The following CD274 variants were observed in gnomAD, a reference collection of about 807,000 sequenced individuals.
CD274 encodes the protein programmed cell death 1 ligand 1.
In CD274, 8 loss-of-function variants were observed where a neutral mutation model predicts 30.1. The ratio of observed to expected loss-of-function variants is 0.27; its 90% CI spans 0.16 to 0.48. The LOEUF (loss-of-function observed/expected upper bound fraction) is 0.48. CD274 is among the 20% of genes least tolerant of loss of function. The pLI is 0.99. For missense variants in CD274, 353 were observed against 346.6 expected (o/e 1.02, Z -0.15); for synonymous variants, 152 against 124.6 (o/e 1.22, Z -1.46).
chr9:5,460,585 T>A (rs1299399923), intron 3 of CD274, among the ~76,000 whole-genome samples: 12 of 152,168 alleles, frequency 7.9e-5, no homozygotes, highest in Non-Finnish European at 1.3e-4. Context: ...TTTGCCCAAA[T>A]TCACCCAGCC....
intron 3 of CD274, among the ~76,000 whole-genome samples, chr9:5,459,558 G>A (rs1819367394): frequency 6.6e-6 from 1 of 152,126 alleles, no homozygotes; most frequent in Non-Finnish European, 1.5e-5. Flanking sequence ...CCCCACAGGA[G>A]TTTACTCACC....
At position 5,468,262 on chromosome 9, in the gene CD274, C is replaced by A; in HGVS notation, c.*400C>A. 1 of 281,286 alleles carries A rather than the reference C, an allele frequency of 3.6e-6. No individual in the cohort carries two copies. The allele number at this position is 281,286 out of a possible 1,614,324, so 17.4% of individuals were successfully genotyped here. A position where few individuals can be genotyped will look rare whatever the true frequency, so the allele number is the denominator to read the frequency against. ...TCCACTCAATGCCTCAATTTGTTTT[C>A]TGCATGACTGAGAGTCTCAGTGTTG... On this transcript the variant is annotated 3_prime_UTR_variant, in exon 7 of 7. Transcript: ENST00000381577.
At chr9:5,465,723 T>A in intron 5 of CD274, 117 bp downstream of exon 5, 1 of 630,542 alleles carries the variant, frequency 1.6e-6, no homozygotes. Flanking sequence ...GGCATTCCAC[T>A]GTTCAACAGC....
chr9:5,467,601 T>C (rs1261335318), intron 6 of CD274, among the ~76,000 whole-genome samples: 1 of 152,182 alleles, frequency 6.6e-6, no homozygotes, highest in Non-Finnish European at 1.5e-5. Flanking sequence ...TAAAGCTAAG[T>C]AGCAAATGTT....
At chr9:5,464,941 G>C (rs965264166) in intron 4 of CD274, among the ~76,000 whole-genome samples, 1 of 152,108 alleles carries the variant, frequency 6.6e-6, no homozygotes, top group African/African-American at 2.4e-5. Context: ...ATAAAAATTA[G>C]CTGGGTGTGG....
chr9:5,463,303 A>G (rs1819440450), intron 4 of CD274, 182 bp downstream of exon 4: 1 of 602,962 alleles, frequency 1.7e-6, no homozygotes, highest in Admixed American at 2.9e-5. Flanking sequence ...GTTACTTAAT[A>G]AACATTCAGC....
rs942677374 is a variant in CD274 at position 5,468,282 on chromosome 9, G to T, written c.*420G>T. The T allele has an allele frequency of 1.2e-4, 31 of 268,582 alleles. No homozygotes were observed. Among genetic ancestry groups the T allele is most frequent in the African/African-American group, 6.0e-4 (28 of 46,370 alleles). The allele number at this position is 268,582 out of a possible 1,614,324, so 16.6% of individuals were successfully genotyped here. ...GTTTTCTGCATGACTGAGAGTCTCA[G>T]TGTTGGAACGGGACAGTATTTATGT... On this transcript the variant is annotated 3_prime_UTR_variant, in exon 7 of 7. Coordinates refer to ENST00000381577, the MANE Select transcript of CD274 (RefSeq NM_014143.4).
rs569565212 is a variant in CD274 at position 5,469,947 on chromosome 9, C to A, written c.*2085C>A. On this transcript the variant is annotated 3_prime_UTR_variant, in exon 7 of 7. Coordinates refer to ENST00000381577, the MANE Select transcript of CD274 (RefSeq NM_014143.4). ...AAATCACATTTTCTTTCTGGAAATT[C>A]CGGCAGTGTACCTTGACTGCTAGCT... The A allele has an allele frequency of 4.3e-6, 1 of 233,140 alleles. No homozygotes were observed. Among genetic ancestry groups the A allele is most frequent in the South Asian group, 1.8e-4 (1 of 5,528 alleles). The allele number at this position is 233,140 out of a possible 1,614,324, so 14.4% of individuals were successfully genotyped here. A position where few individuals can be genotyped will look rare whatever the true frequency, so the allele number is the denominator to read the frequency against.
At position 5,465,478 on chromosome 9, in the gene CD274, T is replaced by C. The variant is rs976620888; in HGVS notation, c.683-21T>C. 10 of 1,427,726 alleles carry C rather than the reference T, an allele frequency of 7.0e-6. No individual in the cohort carries two copies. The African/African-American group carries it at 8.4e-5, about 12-fold the overall frequency. The allele number at this position is 1,427,726 out of a possible 1,614,324, so 88.4% of individuals were successfully genotyped here. ...AATTTTATCTTTAGTCAGTTTGTTTTCGTTTTGTTTTGTTTTTCAGAACTA... is the reference window on the plus strand; with the variant it reads ...AATTTTATCTTTAGTCAGTTTGTTTCCGTTTTGTTTTGTTTTTCAGAACTA... On this transcript the variant is annotated intron_variant, in intron 4 of 6. Coordinates refer to ENST00000381577, the MANE Select transcript of CD274 (RefSeq NM_014143.4).
Position 5,467,996 on chromosome 9 carries a change from C to A in CD274, c.*134C>A. 2 of 757,688 alleles carry A rather than the reference C, an allele frequency of 2.6e-6. No individual in the cohort carries two copies. The highest frequency in any genetic ancestry group is 4.6e-6 in the Non-Finnish European group (2 of 432,056). The allele number at this position is 757,688 out of a possible 1,614,324, so 46.9% of individuals were successfully genotyped here. A position where few individuals can be genotyped will look rare whatever the true frequency, so the allele number is the denominator to read the frequency against. On this transcript the variant is annotated 3_prime_UTR_variant, in exon 7 of 7. Transcript: ENST00000381577. Reference sequence around the variant, plus strand: ...CAATGTGGGACTTAAAAGGCCCAAGCACTGAAAATGGAACCTGGCGAAAGC... The same window carrying A: ...CAATGTGGGACTTAAAAGGCCCAAGAACTGAAAATGGAACCTGGCGAAAGC...
intron 1 of CD274, among the ~76,000 whole-genome samples, chr9:5,454,742 T>G (rs1819270341): frequency 1.3e-5 from 2 of 152,128 alleles, no homozygotes; most frequent in South Asian, 2.1e-4. Context: ...AGTATCAAAG[T>G]GCCCCCTAAA....
intron 5 of CD274, among the ~76,000 whole-genome samples, chr9:5,466,135 G>C (rs1158539813): frequency 6.6e-6 from 1 of 152,176 alleles, no homozygotes; most frequent in Non-Finnish European, 1.5e-5. Context: ...TTTAAGATGA[G>C]TCAGAGTAAA....
chr9:5,461,476 T>C (rs1208208671), intron 3 of CD274, among the ~76,000 whole-genome samples: 1 of 152,172 alleles, frequency 6.6e-6, no homozygotes, highest in Non-Finnish European at 1.5e-5. Context: ...TTCATTGATA[T>C]AGGAGTATCA....
intron 6 of CD274, among the ~76,000 whole-genome samples, chr9:5,467,164 C>G (rs1055414663): frequency 4.0e-5 from 6 of 151,580 alleles, no homozygotes; most frequent in African/African-American, 1.5e-4. Context: ...GCACCATGCA[C>G]GGTATCTCAT....
At position 5,468,316 on chromosome 9, in the gene CD274, T is replaced by C; in HGVS notation, c.*454T>C. On this transcript the variant is annotated 3_prime_UTR_variant, in exon 7 of 7. Transcript: ENST00000381577. ...CGGGACAGTATTTATGTATGAGTTT[T>C]TCCTATTTATTTTGAGTCTGTGAGG... 1 of 239,058 alleles carries C rather than the reference T, an allele frequency of 4.2e-6. No homozygotes were observed. The allele number at this position is 239,058 out of a possible 1,614,324, so 14.8% of individuals were successfully genotyped here.
chr9:5,469,144 G>C lies in CD274; in HGVS notation c.*1282G>C, dbSNP rs1247600334. 1 of 232,930 alleles carries C rather than the reference G, an allele frequency of 4.3e-6. No individual in the cohort carries two copies. The highest frequency in any genetic ancestry group is 8.5e-6 in the Non-Finnish European group (1 of 117,942). 14.4% of individuals were successfully genotyped at this position (232,930 alleles called of 1,614,324 possible). On this transcript the variant is annotated 3_prime_UTR_variant, in exon 7 of 7. Transcript: ENST00000381577. ...AATCAGAGTAATTTTCATTTACAAA[G>C]AGAGGTCGGTACTTAAAATAACCCT... is the stretch of plus-strand genomic sequence containing the variant.
rs1819568111 is a variant in CD274, at chr9:5,470,290, G to A, written c.*2428G>A. The A allele has an allele frequency of 1.3e-5, 3 of 232,374 alleles. No homozygotes were observed. The highest frequency in any genetic ancestry group is 2.6e-5 in the Non-Finnish European group (3 of 117,602). 14.4% of individuals were successfully genotyped at this position (232,374 alleles called of 1,614,324 possible). On this transcript the variant is annotated 3_prime_UTR_variant, in exon 7 of 7. Coordinates refer to ENST00000381577, the MANE Select transcript of CD274 (RefSeq NM_014143.4). ...AATTACAGGCAAGAATTGTGGCTGA[G>A]CAAGGCACATAGTCTACTCAGTCTA...
Position 5,465,480 on chromosome 9 carries a change from G to C in CD274, c.683-19G>C, listed in dbSNP as rs369938558. On this transcript the variant is annotated intron_variant, in intron 4 of 6. Coordinates refer to ENST00000381577, the MANE Select transcript of CD274 (RefSeq NM_014143.4). The stretch of plus-strand genomic sequence containing the variant: ...TTTTATCTTTAGTCAGTTTGTTTTC[G>C]TTTTGTTTTGTTTTTCAGAACTACC... 2.1e-6 allele frequency: 3 copies of C among 1,463,398 alleles called. No homozygotes were observed. The highest frequency in any genetic ancestry group is 2.9e-6 in the Non-Finnish European group (3 of 1,043,834). The allele number at this position is 1,463,398 out of a possible 1,614,324, so 90.7% of individuals were successfully genotyped here.
rs1468969591 is a variant in CD274, at chr9:5,469,286, CT to C, written c.*1425del. 1 of 232,596 alleles carries C rather than the reference CT, an allele frequency of 4.3e-6. No individual in the cohort carries two copies. The highest frequency in any genetic ancestry group is 2.2e-5 in the African/African-American group (1 of 45,262). The allele number at this position is 232,596 out of a possible 1,614,324, so 14.4% of individuals were successfully genotyped here. A position where few individuals can be genotyped will look rare whatever the true frequency, so the allele number is the denominator to read the frequency against. ...GTATTGTTTAACAGTTCTGTCTTTT[CT>C]ATTTAAATGCCACTAAATTTTAAAT... On this transcript the variant is annotated 3_prime_UTR_variant, in exon 7 of 7. Transcript: ENST00000381577.
Sources: gnomAD v4.1 joint callset for allele counts (sites outside exome capture counted in the v4.1 genomes callset) on GRCh38, gnomAD v4.1.1 for gene constraint, MANE v1.5 for transcripts, NCBI Gene and HGNC (gene_info 2026-07-23, HGNC 2026-07-21) for gene names.